Variants in SLC25A21 observed in about 807,000 individuals in gnomAD.
The protein encoded by SLC25A21 is solute carrier family 25 member 21, also known as mitochondrial 2-oxodicarboxylate carrier.
In SLC25A21, 47 loss-of-function variants were observed where a neutral mutation model predicts 43.8. The ratio of observed to expected loss-of-function variants is 1.07; its 90% confidence interval spans 0.85 to 1.37. The LOEUF (loss-of-function observed/expected upper bound fraction) is 1.37, where lower values mean the gene tolerates loss of function less well. Ranked by LOEUF, SLC25A21 falls within the 40% of genes most tolerant of loss-of-function variation. SLC25A21 has a pLI of 0.00. For missense variants in SLC25A21, 352 were observed against 350.2 expected, an observed-to-expected ratio of 1.00 and a Z score of -0.04; for synonymous variants, 131 against 121.3, an observed-to-expected ratio of 1.08 and a Z score of -0.52.
chr14:36,997,149 G>A (rs925171399), intron 1 of SLC25A21, among the ~76,000 whole-genome samples: 1 of 151,978 alleles, frequency 6.6e-6, no homozygotes, highest in Non-Finnish European at 1.5e-5. Context: ...AAAGAATGAG[G>A]GATTCCCCCC....
intron 1 of SLC25A21, among the ~76,000 whole-genome samples, chr14:37,009,184 A>G (rs952194978): frequency 1.2e-4 from 19 of 152,118 alleles, no homozygotes; most frequent in African/African-American, 4.6e-4. Flanking sequence ...TTTGAAACTA[A>G]GAAATAACTT....
At chr14:36,951,845 C>T (rs912104921) in intron 1 of SLC25A21, among the ~76,000 whole-genome samples, 11 of 152,168 alleles carry the variant, frequency 7.2e-5, no homozygotes, top group African/African-American at 2.2e-4. Flanking sequence ...GTTACATATA[C>T]TACAAGTAGA....
chr14:36,758,995 T>C (rs180804634), intron 3 of SLC25A21, among the ~76,000 whole-genome samples: 6 of 152,314 alleles, frequency 3.9e-5, no homozygotes, highest in African/African-American at 1.2e-4. Flanking sequence ...CAGAGACACA[T>C]GGGCATTTTC....
intron 2 of SLC25A21, among the ~76,000 whole-genome samples, chr14:36,838,782 T>C (rs1332195698): frequency 1.3e-5 from 2 of 152,212 alleles, no homozygotes; most frequent in East Asian, 3.9e-4. Context: ...TTTACAGTTA[T>C]GGAGTGGAAA....
chr14:36,882,291 G>A (rs1890755367), intron 1 of SLC25A21, among the ~76,000 whole-genome samples: 1 of 152,192 alleles, frequency 6.6e-6, no homozygotes, highest in African/African-American at 2.4e-5. Flanking sequence ...GCTGAGGCAG[G>A]AGAATTGCTT....
intron 1 of SLC25A21, among the ~76,000 whole-genome samples, chr14:37,019,138 T>C (rs1960929090): frequency 6.6e-6 from 1 of 151,940 alleles, no homozygotes; most frequent in South Asian, 2.1e-4. Context: ...CAATGGTCAA[T>C]GACAGCCTGA....
chr14:37,141,019 G>T (rs1594813549), intron 1 of SLC25A21, among the ~76,000 whole-genome samples: 1 of 152,238 alleles, frequency 6.6e-6, no homozygotes, highest in Admixed American at 6.5e-5. Context: ...GGTGGTGCAG[G>T]CTTGTAATCC....
intron 1 of SLC25A21, among the ~76,000 whole-genome samples, chr14:37,095,309 G>A (rs544970128): frequency 6.6e-6 from 1 of 152,290 alleles, no homozygotes; most frequent in Admixed American, 6.5e-5. Flanking sequence ...CTTGAGGTCA[G>A]GAGCTCGAGA....
chr14:36,890,151 T>G (rs1005069343), intron 1 of SLC25A21, among the ~76,000 whole-genome samples: 8 of 152,016 alleles, frequency 5.3e-5, no homozygotes, highest in African/African-American at 1.9e-4. Flanking sequence ...GGGGGAGGTA[T>G]GAAATAGTCT....
chr14:36,922,808 A>C (rs988855496), intron 1 of SLC25A21, among the ~76,000 whole-genome samples: 3 of 152,132 alleles, frequency 2.0e-5, no homozygotes, highest in Admixed American at 2.0e-4. Flanking sequence ...AAAACTTAAG[A>C]ACCAGCTTTG....
At chr14:36,831,480 T>C (rs1889036890) in intron 2 of SLC25A21, among the ~76,000 whole-genome samples, 1 of 152,212 alleles carries the variant, frequency 6.6e-6, no homozygotes, top group Admixed American at 6.5e-5. Context: ...AATGCTAGTA[T>C]TTCTGTATAT....
At chr14:36,865,358 T>C (rs939144036) in intron 2 of SLC25A21, among the ~76,000 whole-genome samples, 1 of 152,102 alleles carries the variant, frequency 6.6e-6, no homozygotes, top group Non-Finnish European at 1.5e-5. Context: ...TAACAACCAA[T>C]ATACTCGCTC....
At chr14:37,035,711 C>A (rs1386213521) in intron 1 of SLC25A21, among the ~76,000 whole-genome samples, 4 of 152,144 alleles carry the variant, frequency 2.6e-5, no homozygotes, top group Non-Finnish European at 5.9e-5. Flanking sequence ...CATCAAGGTA[C>A]CAAGGGCATA....
At chr14:37,021,951 T>C (rs1294500033) in intron 1 of SLC25A21, among the ~76,000 whole-genome samples, 1 of 151,912 alleles carries the variant, frequency 6.6e-6, no homozygotes, top group Non-Finnish European at 1.5e-5. Flanking sequence ...AGATAAGATA[T>C]TTAAATGGTC....
At chr14:36,850,159 C>T (rs1210667684) in intron 2 of SLC25A21, among the ~76,000 whole-genome samples, 1 of 152,054 alleles carries the variant, frequency 6.6e-6, no homozygotes, top group Non-Finnish European at 1.5e-5. Flanking sequence ...GAAGAGTTGG[C>T]CATGGGAAAG....
intron 1 of SLC25A21, among the ~76,000 whole-genome samples, chr14:37,088,818 G>T (rs1453506212): frequency 6.6e-6 from 1 of 152,124 alleles, no homozygotes; most frequent in African/African-American, 2.4e-5. Context: ...CGGCCCACCC[G>T]ACAGTAAGGC....
intron 7 of SLC25A21, among the ~76,000 whole-genome samples, chr14:36,690,376 C>G (rs1199884251): frequency 2.6e-5 from 4 of 152,058 alleles, no homozygotes; most frequent in Non-Finnish European, 4.4e-5. Context: ...GCATATAACA[C>G]CATTTTACAG....
At position 36,896,919 on chromosome 14, in the gene SLC25A21, G is replaced by T. The variant is rs1459740464; in HGVS notation, c.71-21915C>A. 2.0e-5 allele frequency among the ~76,000 whole-genome samples: 3 copies of T among 152,192 alleles called. No homozygotes were observed. In the South Asian group the frequency reaches 6.2e-4, roughly 31 times the overall value. Reference sequence around the variant, plus strand: ...CTGCCAAGAGATCAGCTGTTAGTCTGATGGGCTTCCCTTTGTGGGTAACCC... The same window carrying T: ...CTGCCAAGAGATCAGCTGTTAGTCTTATGGGCTTCCCTTTGTGGGTAACCC... On this transcript the variant is annotated intron_variant, in intron 1 of 9. Transcript: ENST00000331299.
chr14:36,864,604 G>A (rs1481653000), intron 2 of SLC25A21, among the ~76,000 whole-genome samples: 8 of 152,204 alleles, frequency 5.3e-5, no homozygotes, highest in Admixed American at 1.3e-4. Context: ...CAAAGTTGAA[G>A]TTGCACTCAC....
Sources: gnomAD v4.1 joint callset for allele counts (sites outside exome capture counted in the v4.1 genomes callset) on GRCh38, gnomAD v4.1.1 for gene constraint, MANE v1.5 for transcripts, NCBI Gene and HGNC (gene_info 2026-07-23, HGNC 2026-07-21) for gene names.